The following GRIA2 variants were observed in gnomAD, a reference collection of about 807,000 sequenced individuals.
GRIA2 encodes the protein glutamate ionotropic receptor AMPA type subunit 2.
In GRIA2, 14 loss-of-function variants were observed where a neutral mutation model predicts 97.3. The observed-to-expected ratio is 0.14, with a 90% confidence interval of 0.10 to 0.23. GRIA2 has a LOEUF of 0.23. Ranked by LOEUF, GRIA2 falls within the 10% of genes least tolerant of loss-of-function variation. The pLI is 1.00. For missense variants in GRIA2, 558 were observed against 1,069.8 expected, an observed-to-expected ratio of 0.52 and a Z score of 6.67; for synonymous variants, 412 against 387.8, an observed-to-expected ratio of 1.06 and a Z score of -0.73.
chr4:157,308,475 A>T (rs1484089450), intron 3 of GRIA2, among the ~76,000 whole-genome samples: 1 of 139,218 alleles, frequency 7.2e-6, no homozygotes, highest in Non-Finnish European at 1.6e-5. Context: ...TATTTTAAAT[A>T]TATTTACCAG....
At chr4:157,293,785 G>A (rs1200167098) in intron 2 of GRIA2, among the ~76,000 whole-genome samples, 4 of 151,968 alleles carry the variant, frequency 2.6e-5, no homozygotes, top group East Asian at 1.9e-4. Flanking sequence ...GGAATAGGGC[G>A]ACAGTCAGGG....
intron 2 of GRIA2, among the ~76,000 whole-genome samples, chr4:157,287,980 T>G (rs1178029135): frequency 6.6e-6 from 1 of 151,696 alleles, no homozygotes; most frequent in African/African-American, 2.4e-5. Context: ...TTGGAGATAT[T>G]GAGCCAGTCA....
At position 157,254,040 on chromosome 4, in the gene GRIA2, A is replaced by G. The variant is rs1462493130; in HGVS notation, c.229+32233A>G. On this transcript the variant is annotated intron_variant, in intron 2 of 15. Coordinates refer to ENST00000264426, the MANE Select transcript of GRIA2 (RefSeq NM_001083619.3). The stretch of plus-strand genomic sequence containing the variant: ...CATACTTTCTTTTTTTTTTTCCCTA[A>G]TGGCAGTCACAGGGTTAGACTAAAA... Among the ~76,000 whole-genome samples, 6 of 151,862 alleles carry G rather than the reference A, an allele frequency of 4.0e-5. No individual in the cohort carries two copies. In the East Asian group the frequency reaches 7.8e-4, roughly 20 times the overall value.
At chr4:157,229,664 C>T (rs779505484) in intron 2 of GRIA2, among the ~76,000 whole-genome samples, 11 of 152,060 alleles carry the variant, frequency 7.2e-5, no homozygotes, top group Non-Finnish European at 1.5e-4. Flanking sequence ...TATGTTAATA[C>T]TTACATTTTT....
rs186676792 is a variant in GRIA2 at position 157,332,668 on chromosome 4, G to T, written c.883-151G>T. 720 of 557,700 alleles carry T rather than the reference G, an allele frequency of 1.3e-3. 4 individuals are homozygous for T. Among genetic ancestry groups the T allele is most frequent in the Middle Eastern group, 6.3e-3 (14 of 2,210 alleles). The allele number at this position is 557,700 out of a possible 1,614,324, so 34.5% of individuals were successfully genotyped here. A position where few individuals can be genotyped will look rare whatever the true frequency, so the allele number is the denominator to read the frequency against. ...CCCATGTTTTGTAATGCTTCTCTTC[G>T]ATTCTTAGGTTTCTAGATGCAGAAA... On this transcript the variant is annotated intron_variant, in intron 6 of 15. Transcript: ENST00000264426.
chr4:157,321,115 CAAGT>C (rs1416838579), intron 5 of GRIA2, among the ~76,000 whole-genome samples: 2 of 152,022 alleles, frequency 1.3e-5, no homozygotes, highest in Non-Finnish European at 2.9e-5. Context: ...CGCTGTAGAC[CAAGT>C]AAGTAAAACC....
intron 12 of GRIA2, among the ~76,000 whole-genome samples, chr4:157,355,606 A>ATATATATTTATTTC (rs1560780535): frequency 2.2e-5 from 3 of 137,722 alleles, no homozygotes; most frequent in African/African-American, 8.0e-5. Context: ...ATATATATTT[A>ATATATATTTATTTC]TATATATTTA....
rs1730869282 is a variant in GRIA2 at position 157,248,624 on chromosome 4, CGT to C, written c.229+26818_229+26819del. On this transcript the variant is annotated intron_variant, in intron 2 of 15. Coordinates refer to ENST00000264426, the MANE Select transcript of GRIA2 (RefSeq NM_001083619.3). ...ATATGTATATATACATGTATATATA[CGT>C]ATATATATACACCTGTATATATATA... 3.6e-4 allele frequency among the ~76,000 whole-genome samples: 4 copies of C among 11,258 alleles called. 1 individual carries two copies. The highest frequency in any genetic ancestry group is 1.0e-3 in the Admixed American group (1 of 978). 7.4% of individuals were successfully genotyped at this position (11,258 alleles called of 152,430 possible). A position where few individuals can be genotyped will look rare whatever the true frequency, so the allele number is the denominator to read the frequency against.
intron 3 of GRIA2, among the ~76,000 whole-genome samples, chr4:157,311,430 C>A (rs1004151774): frequency 6.6e-6 from 1 of 151,944 alleles, no homozygotes; most frequent in Admixed American, 6.6e-5. Context: ...TCCTTCCCTT[C>A]TGGTGTCATA....
At chr4:157,268,719 T>A (rs924631932) in intron 2 of GRIA2, among the ~76,000 whole-genome samples, 1 of 152,032 alleles carries the variant, frequency 6.6e-6, no homozygotes, top group Non-Finnish European at 1.5e-5. Context: ...ACTTATTATT[T>A]ATTTAATTTA....
intron 11 of GRIA2, among the ~76,000 whole-genome samples, chr4:157,337,363 A>C (rs1735333087): frequency 1.3e-5 from 2 of 152,048 alleles, no homozygotes; most frequent in Admixed American, 1.3e-4. Context: ...CATGGAATAA[A>C]CTCACCTACC....
In GRIA2 at chr4:157,361,545, G is replaced by T; in HGVS notation, c.2406+421G>T. On this transcript the variant is annotated intron_variant, in intron 14 of 15. Transcript: ENST00000264426. This position sits in a 1 kb window ranked among gnomAD's most constrained non-coding sequence, Gnocchi z 5.2. ...GTTATTTTCCACGTGAAGAACCCCA[G>T]TAAATCTTGCAGTATTGAAACTCAG... is the stretch of plus-strand genomic sequence containing the variant. 6.3e-7 allele frequency: 1 copy of T among 1,591,830 alleles called. No individual in the cohort carries two copies. Among genetic ancestry groups the T allele is most frequent in the Non-Finnish European group, 8.6e-7 (1 of 1,160,116 alleles).
intron 2 of GRIA2, among the ~76,000 whole-genome samples, chr4:157,237,557 G>A (rs927987189): frequency 6.6e-6 from 1 of 152,082 alleles, no homozygotes; most frequent in African/African-American, 2.4e-5. Context: ...TGGGACTATA[G>A]GTGTGAGCCA....
chr4:157,288,342 C>T (rs2126829466), intron 2 of GRIA2, among the ~76,000 whole-genome samples: 1 of 151,692 alleles, frequency 6.6e-6, no homozygotes, highest in East Asian at 1.9e-4. Context: ...GTATCAGATA[C>T]TCTACTTCCT....
intron 6 of GRIA2, among the ~76,000 whole-genome samples, chr4:157,328,673 G>T (rs994074110): frequency 6.6e-6 from 1 of 151,812 alleles, no homozygotes; most frequent in Non-Finnish European, 1.5e-5. Context: ...AATCTGATTA[G>T]CTTTATCTGA....
chr4:157,362,555 A>G (rs1194325034), intron 14 of GRIA2: 1 of 598,710 alleles, frequency 1.7e-6, no homozygotes, highest in African/African-American at 1.8e-5. Flanking sequence ...TAAGAAATGA[A>G]TAAATAGAAG....
At chr4:157,355,271 T>G (rs1207128904) in intron 12 of GRIA2, among the ~76,000 whole-genome samples, 1 of 152,166 alleles carries the variant, frequency 6.6e-6, no homozygotes, top group Non-Finnish European at 1.5e-5. Flanking sequence ...CTCACGCCTG[T>G]AATCCCAGCA....
intron 2 of GRIA2, among the ~76,000 whole-genome samples, chr4:157,272,262 G>A (rs1038335355): frequency 6.6e-6 from 1 of 151,980 alleles, no homozygotes; most frequent in Non-Finnish European, 1.5e-5. Context: ...AAGGACCTTA[G>A]AATTTGCCAC....
chr4:157,324,377 T>C lies in GRIA2; in HGVS notation c.882+2778T>C, dbSNP rs959290978. Among the ~76,000 whole-genome samples the C allele has an allele frequency of 2.6e-5, 4 of 152,150 alleles. No homozygotes were observed. The South Asian group carries it at 8.3e-4, about 32-fold the overall frequency. On this transcript the variant is annotated intron_variant, in intron 6 of 15. Transcript: ENST00000264426. The stretch of plus-strand genomic sequence containing the variant: ...TATAAATAAATGAAAAATGTATGAA[T>C]CCTGTCTTTGAGAATCCAGCCTAAA...
Sources: gnomAD v4.1 joint callset for allele counts (sites outside exome capture counted in the v4.1 genomes callset) on GRCh38, gnomAD v4.1.1 for gene constraint, Gnocchi (gnomAD v3.1) non-coding constraint, MANE v1.5 for transcripts, NCBI Gene and HGNC (gene_info 2026-07-23, HGNC 2026-07-21) for gene names.